The following C3orf70 variants were observed in gnomAD, a reference collection of about 807,000 sequenced individuals.
The protein encoded by C3orf70 is chromosome 3 open reading frame 70.
C3orf70 carries 15 observed loss-of-function variants against 20.7 expected under a neutral mutation model. The observed-to-expected ratio is 0.72, with a 90% CI of 0.48 to 1.11. The LOEUF is 1.11. Among genes scored for constraint, C3orf70 ranks in the 50% most tolerant of loss-of-function variants. C3orf70 has a pLI of 0.00. For synonymous variants in C3orf70, 161 were observed against 125.7 expected, an observed-to-expected ratio of 1.28 and a Z score of -1.88; for missense variants, 332 against 317.6, an observed-to-expected ratio of 1.05 and a Z score of -0.34.
chr3:185,150,968 T>C (rs1233779389), intron 1 of C3orf70, among the ~76,000 whole-genome samples: 1 of 152,158 alleles, frequency 6.6e-6, no homozygotes, highest in East Asian at 1.9e-4. Context: ...ATTGTGAGAA[T>C]GGCCAGGGAT....
intron 1 of C3orf70, among the ~76,000 whole-genome samples, chr3:185,091,486 G>A (rs1715568764): frequency 6.6e-6 from 1 of 152,118 alleles, no homozygotes; most frequent in Non-Finnish European, 1.5e-5. Flanking sequence ...TCTGGTAAAT[G>A]TGTGCTGATG....
chr3:185,117,003 G>A (rs978747510), intron 1 of C3orf70, among the ~76,000 whole-genome samples: 25 of 151,998 alleles, frequency 1.6e-4, no homozygotes, highest in South Asian at 4.2e-4. Flanking sequence ...GGATGGTCTC[G>A]ATCTCTGGAC....
intron 1 of C3orf70, among the ~76,000 whole-genome samples, chr3:185,137,474 A>G (rs1716651865): frequency 6.6e-6 from 1 of 152,248 alleles, no homozygotes; most frequent in Non-Finnish European, 1.5e-5. Context: ...AGAGCACTTC[A>G]TCCAACAACA....
chr3:185,128,912 T>C (rs1263371202), intron 1 of C3orf70, among the ~76,000 whole-genome samples: 1 of 152,242 alleles, frequency 6.6e-6, no homozygotes, highest in Non-Finnish European at 1.5e-5. Context: ...CATGAATGTA[T>C]GGATTTAATC....
At chr3:185,151,594 T>G (rs1716991290) in intron 1 of C3orf70, among the ~76,000 whole-genome samples, 1 of 152,238 alleles carries the variant, frequency 6.6e-6, no homozygotes, top group African/African-American at 2.4e-5. Flanking sequence ...TAAATTCGAT[T>G]TAAAATATTC....
intron 1 of C3orf70, among the ~76,000 whole-genome samples, chr3:185,107,495 A>T (rs28837218): frequency 6.6e-6 from 1 of 152,292 alleles, no homozygotes; most frequent in South Asian, 2.1e-4. Flanking sequence ...AAAGTTCCTG[A>T]CAAAGATTAG....
intron 1 of C3orf70, among the ~76,000 whole-genome samples, chr3:185,111,267 T>C (rs949759459): frequency 1.3e-5 from 2 of 152,146 alleles, no homozygotes; most frequent in African/African-American, 2.4e-5. Context: ...AAAATCATTG[T>C]GCTTCAAAAG....
chr3:185,115,534 G>A (rs555651914), intron 1 of C3orf70, among the ~76,000 whole-genome samples: 4 of 152,140 alleles, frequency 2.6e-5, no homozygotes, highest in Non-Finnish European at 4.4e-5. Context: ...CAAGGAGAGA[G>A]AGAATAGCTT....
In C3orf70 at chr3:185,083,137, T is replaced by C; in HGVS notation, c.623A>G (p.Glu208Gly). The change falls in exon 2 of 2, where the codon GAA (glutamate) becomes GGA (glycine). Residue 208 changes from glutamate to glycine, a missense_variant. Transcript: ENST00000335012. ...HYVESCDEDT[E>G]EGAELSSEED... ...CTCTGAACTCAGTTCTGCTCCTTCT[T>C]CTGTGTCCTCGTCACACGATTCCAC... 3 of 1,614,156 alleles carry C rather than the reference T, an allele frequency of 1.9e-6. No homozygotes were observed. The highest frequency in any genetic ancestry group is 3.3e-4 in the Middle Eastern group (2 of 6,062).
In C3orf70 at chr3:185,079,960, TAC is replaced by T. The variant is rs533206966; in HGVS notation, c.*3045_*3046del. The stretch of plus-strand genomic sequence containing the variant: ...CAAATTAGCAACATAGTATCAGCGT[TAC>T]AGAGAATTCCTTCACATAATATAGA... On this transcript the variant is annotated 3_prime_UTR_variant, in exon 2 of 2. Transcript: ENST00000335012. 8.3e-4 allele frequency: 127 copies of T among 152,820 alleles called. 1 individual carries two copies. The highest frequency in any genetic ancestry group is 2.6e-3 in the African/African-American group (108 of 41,602). 9.5% of individuals were successfully genotyped at this position (152,820 alleles called of 1,614,324 possible).
At chr3:185,117,674 T>C (rs1716209240) in intron 1 of C3orf70, among the ~76,000 whole-genome samples, 1 of 152,174 alleles carries the variant, frequency 6.6e-6, no homozygotes, top group Non-Finnish European at 1.5e-5. Flanking sequence ...AATCCTCAAA[T>C]GGTTCACAAT....
intron 1 of C3orf70, among the ~76,000 whole-genome samples, chr3:185,115,330 C>T (rs919717466): frequency 1.3e-5 from 2 of 152,112 alleles, no homozygotes; most frequent in Non-Finnish European, 2.9e-5. Context: ...TAAAAGTACA[C>T]AAACCCAGAA....
intron 1 of C3orf70, among the ~76,000 whole-genome samples, chr3:185,111,728 C>T (rs1224254786): frequency 6.6e-6 from 1 of 152,126 alleles, no homozygotes; most frequent in Non-Finnish European, 1.5e-5. Flanking sequence ...GGTGCAAGTC[C>T]AGTCAGTAAG....
At chr3:185,104,555 G>A (rs1296787274) in intron 1 of C3orf70, among the ~76,000 whole-genome samples, 1 of 152,116 alleles carries the variant, frequency 6.6e-6, no homozygotes, top group Non-Finnish European at 1.5e-5. Flanking sequence ...GTTCACAGTA[G>A]CAACAACATG....
In C3orf70 at chr3:185,119,664, C is replaced by T. The variant is rs147868507; in HGVS notation, c.196+32964G>A. ...CCGAATTTTTCAGAAAAGTACATCACTAATCTATTTTCAGTTTAATGTTTC... is the reference window on the plus strand; with the variant it reads ...CCGAATTTTTCAGAAAAGTACATCATTAATCTATTTTCAGTTTAATGTTTC... On this transcript the variant is annotated intron_variant, in intron 1 of 1. Coordinates refer to ENST00000335012, the MANE Select transcript of C3orf70 (RefSeq NM_001025266.3). Among the ~76,000 whole-genome samples the T allele has an allele frequency of 5.9e-5, 9 of 152,186 alleles. No individual in the cohort carries two copies. In the East Asian group the frequency reaches 1.7e-3, roughly 29 times the overall value.
intron 1 of C3orf70, among the ~76,000 whole-genome samples, chr3:185,098,564 C>T (rs2108591631): frequency 6.6e-6 from 1 of 152,238 alleles, no homozygotes; most frequent in East Asian, 1.9e-4. Context: ...CAAAGGATTA[C>T]AAAATGTGAT....
chr3:185,106,165 A>T (rs1298496121), intron 1 of C3orf70, among the ~76,000 whole-genome samples: 1 of 152,204 alleles, frequency 6.6e-6, no homozygotes, highest in African/African-American at 2.4e-5. Context: ...GCAGGAATTC[A>T]GCAAGCTAGA....
chr3:185,112,320 C>G (rs1716092648), intron 1 of C3orf70, among the ~76,000 whole-genome samples: 2 of 152,058 alleles, frequency 1.3e-5, no homozygotes, highest in South Asian at 4.2e-4. Flanking sequence ...ACTCGTGGCC[C>G]ATTTTCTGAC....
intron 1 of C3orf70, among the ~76,000 whole-genome samples, chr3:185,150,184 G>A (rs1465796680): frequency 6.6e-6 from 1 of 152,142 alleles, no homozygotes; most frequent in Non-Finnish European, 1.5e-5. Flanking sequence ...CTAGGTAATT[G>A]TTTGAACAAT....
Sources: gnomAD v4.1 joint callset for allele counts (sites outside exome capture counted in the v4.1 genomes callset) on GRCh38, gnomAD v4.1.1 for gene constraint, MANE v1.5 for transcripts, NCBI Gene and HGNC (gene_info 2026-07-23, HGNC 2026-07-21) for gene names.